Variants in INSYN2A observed in about 807,000 individuals in gnomAD.
INSYN2A encodes the protein family with sequence similarity 196 member A.
INSYN2A carries 17 observed loss-of-function variants against 39.4 expected under a neutral mutation model. The ratio of observed to expected loss-of-function variants is 0.43; its 90% CI spans 0.30 to 0.65. The LOEUF is 0.65. INSYN2A is among the 30% of genes least tolerant of loss of function. INSYN2A has a pLI of 0.14. For missense variants in INSYN2A, 595 were observed against 631.2 expected, an observed-to-expected ratio of 0.94 and a Z score of 0.61; for synonymous variants, 255 against 265.7, an observed-to-expected ratio of 0.96 and a Z score of 0.39.
chr10:127,153,962 T>TG (rs768106968), intron 4 of INSYN2A, 39 bp from the exon 5 acceptor site: 10 of 1,461,116 alleles, frequency 6.8e-6, no homozygotes, highest in Non-Finnish European at 9.6e-6. Flanking sequence ...AAGCGGTGGC[T>TG]GGGGGTCACT....
intron 2 of INSYN2A, among the ~76,000 whole-genome samples, chr10:127,190,667 C>T (rs1274825790): frequency 2.7e-4 from 3 of 11,288 alleles, no homozygotes; most frequent in African/African-American, 6.8e-4. Context: ...TCCTATCTTC[C>T]CCCCCCCCCC....
At chr10:127,164,217 T>A (rs2053874341) in intron 4 of INSYN2A, among the ~76,000 whole-genome samples, 1 of 116,604 alleles carries the variant, frequency 8.6e-6, no homozygotes. Flanking sequence ...AGAGTCCTGC[T>A]CTGTCACCCA....
At position 127,175,507 on chromosome 10, in the gene INSYN2A, G is replaced by T; in HGVS notation, c.889C>A (p.Leu297Ile). ...ERRRATHLNG[L>I]QAPSETALAC... ...AGGGCAGTTTCCGAGGGCGCCTGGA[G>T]CCCGTTGAGATGTGTGGCTCTCCTC... The change falls in exon 4 of 6, where the codon CTC becomes ATC. Residue 297 changes from leucine to isoleucine, a missense_variant. Leu to Ile is a conservative substitution (Grantham distance 5). This residue lies in a region of INSYN2A where 478 missense variants were observed against 467.4 expected (regional missense o/e 1.02). Transcript: ENST00000522781. This position sits in a 1 kb window ranked among gnomAD's most constrained non-coding sequence, Gnocchi z 6.3. 6.2e-7 allele frequency: 1 copy of T among 1,608,942 alleles called. No individual in the cohort carries two copies.
rs1397419204 is a variant in INSYN2A at position 127,175,991 on chromosome 10, G to A, written c.405C>T (p.Pro135=). The A allele has an allele frequency of 1.2e-6, 2 of 1,614,190 alleles. No individual in the cohort carries two copies. Among genetic ancestry groups the A allele is most frequent in the Non-Finnish European group, 1.7e-6 (2 of 1,180,040 alleles). The change falls in exon 4 of 6, where the codon CCC becomes CCT. Residue 135 remains proline (P), a synonymous_variant. Transcript: ENST00000522781. The surrounding 1 kb of genome is among the most constrained non-coding windows in gnomAD (Gnocchi z 6.3). ...GAAACCCATTGTTTTGGCTTTTAAAGGGATCTGCAGCTGGGAGGCTTTTGA... is the reference window on the plus strand; with the variant it reads ...GAAACCCATTGTTTTGGCTTTTAAAAGGATCTGCAGCTGGGAGGCTTTTGA... ...GNLKSLPAAD[P]FKSQNNGFLT... is the part of the protein sequence containing the mutation.
chr10:127,157,675 A>G (rs2053214768), intron 4 of INSYN2A, among the ~76,000 whole-genome samples: 1 of 152,178 alleles, frequency 6.6e-6, no homozygotes, highest in Non-Finnish European at 1.5e-5. Flanking sequence ...TTTTTTAGCT[A>G]GTTGAAAACA....
chr10:127,141,460 T>C (rs901792690), intron 5 of INSYN2A, among the ~76,000 whole-genome samples: 7 of 152,116 alleles, frequency 4.6e-5, no homozygotes, highest in African/African-American at 1.7e-4. Context: ...CCTAGCACTT[T>C]GGGAGGCCGA....
intron 5 of INSYN2A, among the ~76,000 whole-genome samples, chr10:127,144,962 G>A (rs779609478): frequency 1.1e-4 from 16 of 150,948 alleles, no homozygotes; most frequent in Non-Finnish European, 1.8e-4. Flanking sequence ...TTTTAAAAAA[G>A]CATTAGCCAG....
chr10:127,194,863 G>C (rs2056993786), intron 1 of INSYN2A, among the ~76,000 whole-genome samples: 1 of 151,928 alleles, frequency 6.6e-6, no homozygotes, highest in Non-Finnish European at 1.5e-5. Flanking sequence ...GGATGCTTCC[G>C]CAGAATTTCA....
At chr10:127,145,241 G>A (rs76981608) in intron 5 of INSYN2A, among the ~76,000 whole-genome samples, 3,578 of 152,180 alleles carry the variant, frequency 0.024, 141 homozygotes, top group African/African-American at 0.082. Context: ...TAGTGCCACC[G>A]AGGAGCAGAG....
Position 127,153,915 on chromosome 10 carries a change from T to C in INSYN2A, c.1193A>G (p.Tyr398Cys), listed in dbSNP as rs769158740. 6.2e-7 allele frequency: 1 copy of C among 1,613,764 alleles called. No homozygotes were observed. Among genetic ancestry groups the C allele is most frequent in the South Asian group, 1.1e-5 (1 of 91,070 alleles). The change falls in exon 5 of 6, where the codon TAT (tyrosine) becomes TGT (cysteine). Residue 398 changes from tyrosine (Y) to cysteine (C), a missense_variant. This residue lies in a region of INSYN2A where 117 missense variants were observed against 163.8 expected (regional missense o/e 0.71). Transcript: ENST00000522781. ...KGEAHREGLS[Y>C]RTGQDTANCD... Reference sequence around the variant, plus strand: ...ATTAGCTGTGTCTTGCCCCGTCCGATATGAAAGCCTACAAGATAAGAACAG... The same window carrying C: ...ATTAGCTGTGTCTTGCCCCGTCCGACATGAAAGCCTACAAGATAAGAACAG...
At chr10:127,166,119 G>A (rs1311628257) in intron 4 of INSYN2A, among the ~76,000 whole-genome samples, 3 of 152,054 alleles carry the variant, frequency 2.0e-5, no homozygotes, top group Non-Finnish European at 4.4e-5. Context: ...AGGCTGGAGT[G>A]CAGGGGCACA....
chr10:127,164,609 T>C (rs1294852265), intron 4 of INSYN2A, among the ~76,000 whole-genome samples: 1 of 152,226 alleles, frequency 6.6e-6, no homozygotes, highest in African/African-American at 2.4e-5. Flanking sequence ...GACATTATTA[T>C]TGTCAGAAAT....
intron 4 of INSYN2A, among the ~76,000 whole-genome samples, chr10:127,155,752 A>G (rs1303176787): frequency 6.6e-6 from 1 of 152,112 alleles, no homozygotes. Context: ...CTTGCCCTAT[A>G]TAGACTTACA....
intron 5 of INSYN2A, among the ~76,000 whole-genome samples, chr10:127,139,886 A>G (rs1236447812): frequency 6.6e-6 from 1 of 152,196 alleles, no homozygotes; most frequent in Non-Finnish European, 1.5e-5. Context: ...ATTATTATCT[A>G]TTGATCACTA....
chr10:127,191,260 G>C (rs937427136), intron 2 of INSYN2A, among the ~76,000 whole-genome samples: 5 of 152,012 alleles, frequency 3.3e-5, no homozygotes, highest in African/African-American at 1.2e-4. Flanking sequence ...CCACTTCCTT[G>C]CCACCTCCTC....
intron 4 of INSYN2A, among the ~76,000 whole-genome samples, chr10:127,157,499 C>T (rs2133595473): frequency 6.6e-6 from 1 of 152,360 alleles, no homozygotes; most frequent in East Asian, 1.9e-4. Flanking sequence ...TACTCTCAAT[C>T]CTCTCCTTCT....
At chr10:127,155,912 T>C (rs1323556622) in intron 4 of INSYN2A, among the ~76,000 whole-genome samples, 1 of 152,146 alleles carries the variant, frequency 6.6e-6, no homozygotes, top group East Asian at 1.9e-4. Context: ...ACTGTTGGCT[T>C]GGGTGGCAGA....
At position 127,176,413 on chromosome 10, in the gene INSYN2A, A is replaced by G. The variant is rs1188474179; in HGVS notation, c.-5-13T>C. On this transcript the variant is annotated splice_polypyrimidine_tract_variant and intron_variant, in intron 3 of 5. Coordinates refer to ENST00000522781, the MANE Select transcript of INSYN2A (RefSeq NM_001039762.3). The surrounding 1 kb of genome is among the most constrained non-coding windows in gnomAD (Gnocchi z 4.4). ...CTGACCATGGTTCCTGCATTCAGAA[A>G]CAGCAACAGAGGTGTCAGTGGGACA... 1 of 1,579,960 alleles carries G rather than the reference A, an allele frequency of 6.3e-7. No individual in the cohort carries two copies. The highest frequency in any genetic ancestry group is 1.2e-5 in the South Asian group (1 of 86,566).
At chr10:127,181,832 A>T (rs1400189172) in intron 2 of INSYN2A, among the ~76,000 whole-genome samples, 1 of 152,232 alleles carries the variant, frequency 6.6e-6, no homozygotes, top group African/African-American at 2.4e-5. Context: ...GACCTGTTTC[A>T]TAGGTGCCAA....
Sources: gnomAD v4.1 joint callset for allele counts (sites outside exome capture counted in the v4.1 genomes callset) on GRCh38, gnomAD v4.1.1 for gene constraint, gnomAD v4.1.1 regional missense constraint, Gnocchi (gnomAD v3.1) non-coding constraint, MANE v1.5 for transcripts, NCBI Gene and HGNC (gene_info 2026-07-23, HGNC 2026-07-21) for gene names.